COMT: variants seen among roughly 807,000 people sequenced by gnomAD.
The protein encoded by COMT is catechol O-methyltransferase.
COMT carries 13 observed loss-of-function variants against 18.9 expected under a neutral mutation model. The ratio of observed to expected loss-of-function variants is 0.69; its 90% confidence interval spans 0.45 to 1.09. COMT has a LOEUF of 1.09. Ranked by LOEUF, COMT falls within the 50% of genes least tolerant of loss-of-function variation. The pLI, the probability that COMT is intolerant of heterozygous loss-of-function variation, is 0.00. For missense variants in COMT, 329 were observed against 361.8 expected, an observed-to-expected ratio of 0.91 and a Z score of 0.73; for synonymous variants, 150 against 160.9, an observed-to-expected ratio of 0.93 and a Z score of 0.51.
chr22:19,950,261 T>TTTTTTTG (rs763598655), intron 1 of COMT, among the ~76,000 whole-genome samples: 18 of 132,794 alleles, frequency 1.4e-4, no homozygotes, highest in East Asian at 2.3e-4. Flanking sequence ...TTTTTTTTTT[T>TTTTTTTG]TTCTGTAGAG....
chr22:19,956,137 C>CCTTTTTTT (rs1569129365), intron 1 of COMT, among the ~76,000 whole-genome samples: 4 of 84,810 alleles, frequency 4.7e-5, no homozygotes, highest in Non-Finnish European at 8.4e-5. Flanking sequence ...TTCTTTTTTT[C>CCTTTTTTT]TTTTTTTTTT....
chr22:19,958,046 G>T (rs1434286706), intron 1 of COMT, among the ~76,000 whole-genome samples: 2 of 152,062 alleles, frequency 1.3e-5, no homozygotes, highest in African/African-American at 2.4e-5. Context: ...TCAATTCTTG[G>T]TATACACCTA....
intron 1 of COMT, among the ~76,000 whole-genome samples, chr22:19,950,236 CTTTTCTTTTTT>C (rs1303522703): frequency 2.2e-5 from 2 of 90,098 alleles, no homozygotes; most frequent in African/African-American, 4.5e-5. Flanking sequence ...CTTTTCTTTT[CTTTTCTTTTTT>C]TTTTTTTTTT....
intron 5 of COMT, among the ~76,000 whole-genome samples, chr22:19,965,947 T>C (rs1942367783): frequency 6.6e-6 from 1 of 152,194 alleles, no homozygotes; most frequent in Non-Finnish European, 1.5e-5. Flanking sequence ...CAGATGGGCT[T>C]CACTTGGGCA....
At chr22:19,957,239 C>T (rs1005229170) in intron 1 of COMT, among the ~76,000 whole-genome samples, 35 of 152,266 alleles carry the variant, frequency 2.3e-4, no homozygotes, top group African/African-American at 8.4e-4. Flanking sequence ...CATGAGCCAC[C>T]GCGCCCGGCC....
At chr22:19,966,310 G>C (rs939813221) in intron 5 of COMT, among the ~76,000 whole-genome samples, 2 of 151,930 alleles carry the variant, frequency 1.3e-5, no homozygotes, top group African/African-American at 2.4e-5. Context: ...GGAGGCACGA[G>C]GGGTGAGGGG....
chr22:19,953,928 C>A (rs1160932637), intron 1 of COMT, among the ~76,000 whole-genome samples: 1 of 152,090 alleles, frequency 6.6e-6, no homozygotes, highest in Non-Finnish European at 1.5e-5. Context: ...AAGGATAAAG[C>A]GAATGTGCGA....
rs181006572 is a variant in COMT at position 19,947,347 on chromosome 22, T to G, written c.-92+5450T>G. Among the ~76,000 whole-genome samples the G allele has an allele frequency of 8.2e-3, 1,245 of 152,116 alleles. 7 individuals are homozygous for G. Among genetic ancestry groups the G allele is most frequent in the Non-Finnish European group, 0.013 (906 of 67,980 alleles). Reference sequence around the variant, plus strand: ...GAAATAAAGACACAAGACAAAGAGATAGAAGAAAAGACAGCTGGGCCCGGG... The same window carrying G: ...GAAATAAAGACACAAGACAAAGAGAGAGAAGAAAAGACAGCTGGGCCCGGG... On this transcript the variant is annotated intron_variant, in intron 1 of 5. Transcript: ENST00000361682.
At chr22:19,966,333 T>C (rs1042870586) in intron 5 of COMT, among the ~76,000 whole-genome samples, 11 of 151,110 alleles carry the variant, frequency 7.3e-5, no homozygotes, top group African/African-American at 2.7e-4. Flanking sequence ...CAGGAGCAGG[T>C]TGCAATTCAA....
intron 5 of COMT, chr22:19,964,888 ACACACT>A (rs1942307694): frequency 5.1e-5 from 12 of 236,652 alleles, no homozygotes; most frequent in Admixed American, 2.1e-4. Context: ...CACATCAGTG[ACACACT>A]GCCCCATCCC....
intron 1 of COMT, among the ~76,000 whole-genome samples, chr22:19,959,505 G>T (rs1406365728): frequency 6.6e-6 from 1 of 152,060 alleles, no homozygotes; most frequent in African/African-American, 2.4e-5. Context: ...CCACACCAGC[G>T]AGCAGAGAGG....
intron 1 of COMT, among the ~76,000 whole-genome samples, chr22:19,950,261 T>TTTTTTTTTTTG (rs763598655): frequency 2.8e-4 from 37 of 132,718 alleles, no homozygotes; most frequent in Non-Finnish European, 3.6e-4. Context: ...TTTTTTTTTT[T>TTTTTTTTTTTG]TTCTGTAGAG....
At chr22:19,945,973 G>T (rs1457847085) in intron 1 of COMT, among the ~76,000 whole-genome samples, 2 of 152,102 alleles carry the variant, frequency 1.3e-5, no homozygotes, top group Admixed American at 6.6e-5. Flanking sequence ...CCGGGGAAAG[G>T]TTTCTTTTTT....
At chr22:19,959,815 G>A (rs1011498374) in intron 1 of COMT, among the ~76,000 whole-genome samples, 23 of 25,762 alleles carry the variant, frequency 8.9e-4, no homozygotes, top group Middle Eastern at 0.045. Flanking sequence ...ATGGCTCTTG[G>A]CCGTTGGGGC....
chr22:19,954,448 G>GT (rs1209088326), intron 1 of COMT, among the ~76,000 whole-genome samples: 12 of 152,104 alleles, frequency 7.9e-5, no homozygotes, highest in Admixed American at 7.9e-4. Context: ...GCAATTGTGC[G>GT]TTTTTTGTTT....
At chr22:19,950,261 T>TG (rs1941907145) in intron 1 of COMT, among the ~76,000 whole-genome samples, 1 of 132,722 alleles carries the variant, frequency 7.5e-6, no homozygotes. Flanking sequence ...TTTTTTTTTT[T>TG]TTCTGTAGAG....
At chr22:19,957,514 T>A (rs1291257957) in intron 1 of COMT, among the ~76,000 whole-genome samples, 1 of 152,254 alleles carries the variant, frequency 6.6e-6, no homozygotes, top group African/African-American at 2.4e-5. Flanking sequence ...ACTCTCTAGC[T>A]CTGCAGCAGA....
At chr22:19,955,203 T>C (rs922933741) in intron 1 of COMT, among the ~76,000 whole-genome samples, 5 of 152,182 alleles carry the variant, frequency 3.3e-5, no homozygotes, top group African/African-American at 1.2e-4. Flanking sequence ...CTTCTGGTCA[T>C]TCCTTTAGAT....
chr22:19,944,381 T>G (rs1420277469), intron 1 of COMT, among the ~76,000 whole-genome samples: 1 of 151,914 alleles, frequency 6.6e-6, no homozygotes. Context: ...ACCCTGTCTC[T>G]ACTAAAAATA....
Sources: allele counts gnomAD v4.1 joint callset (sites outside exome capture counted in the v4.1 genomes callset), GRCh38; gene constraint gnomAD v4.1.1; transcripts MANE v1.5; gene names NCBI Gene and HGNC (gene_info 2026-07-23, HGNC 2026-07-21).